The following HTR3E variants were observed in gnomAD, a reference collection of about 807,000 sequenced individuals.
HTR3E encodes the protein 5-hydroxytryptamine receptor 3E.
A neutral mutation model predicts 38.0 loss-of-function variants in HTR3E; 38 were observed. The ratio of observed to expected loss-of-function variants is 1.00; its 90% CI spans 0.77 to 1.31. The LOEUF (loss-of-function observed/expected upper bound fraction) is 1.31. Ranked by LOEUF, HTR3E falls within the 50% of genes most tolerant of loss-of-function variation. The pLI is 0.00. For synonymous variants in HTR3E, 210 were observed against 232.9 expected (o/e 0.90, Z 0.89); for missense variants, 547 against 585.2 (o/e 0.93, Z 0.67).
Position 184,100,517 on chromosome 3 carries a change from G to A in HTR3E, c.100G>A (p.Gly34Arg). 1 of 1,614,138 alleles carries A rather than the reference G, an allele frequency of 6.2e-7. No homozygotes were observed. Among genetic ancestry groups the A allele is most frequent in the Non-Finnish European group, 8.5e-7 (1 of 1,180,032 alleles). Residue 34 changes from glycine (G) to arginine (R), a missense_variant, in exon 2 of 9, where the codon GGG becomes AGG. Gly to Arg is a moderately radical substitution (Grantham distance 125). Coordinates refer to ENST00000415389, the MANE Select transcript of HTR3E (RefSeq NM_001256613.2). ...RGVTFTINCS[G>R]FGQHGADPTA... Reference sequence around the variant, plus strand: ...CGTTACTTTCACCATCAATTGCTCAGGGTTTGGCCAGCACGGGGCGGATCC... The same window carrying A: ...CGTTACTTTCACCATCAATTGCTCAAGGTTTGGCCAGCACGGGGCGGATCC...
intron 2 of HTR3E, among the ~76,000 whole-genome samples, chr3:184,101,020 T>G (rs1712005718): frequency 6.6e-6 from 1 of 152,204 alleles, no homozygotes; most frequent in African/African-American, 2.4e-5. Context: ...CTTGGCTCAC[T>G]GCAACCTCCA....
chr3:184,100,252 A>G, intron 1 of HTR3E: 1 of 1,354,612 alleles, frequency 7.4e-7, no homozygotes, highest in Non-Finnish European at 1.0e-6. Context: ...CACCTTAGTT[A>G]GCTCGTTTAT....
At position 184,104,963 on chromosome 3, in the gene HTR3E, T is replaced by G. The variant is rs757012435; in HGVS notation, c.559+7T>G. On this transcript the variant is annotated splice_region_variant and intron_variant, in intron 5 of 8. Transcript: ENST00000415389. ...AGCTCATTCCTCTACACAGGTAAGT[T>G]GCAGTGAGGTCTCAGGGATGGGGTG... 3.0e-5 allele frequency: 49 copies of G among 1,608,960 alleles called. No individual in the cohort carries two copies.
Position 184,100,678 on chromosome 3 carries a change from T to C in HTR3E, c.234+27T>C, listed in dbSNP as rs1255564346. The C allele has an allele frequency of 5.6e-6, 9 of 1,604,192 alleles. No individual in the cohort carries two copies. The East Asian group carries it at 1.8e-4, about 32-fold the overall frequency. ...TGAGTGCTGACCTCTCTAGCCCTCC[T>C]TGGTGTCCTTAACCTTTTTCCAGCC... On this transcript the variant is annotated intron_variant, in intron 2 of 8. Transcript: ENST00000415389.
At chr3:184,098,238 C>T (rs1711768059) in intron 1 of HTR3E, among the ~76,000 whole-genome samples, 1 of 152,190 alleles carries the variant, frequency 6.6e-6, no homozygotes, top group African/African-American at 2.4e-5. Context: ...ATCTTGGTGT[C>T]TCACGTTGCT....
rs141739439 is a variant in HTR3E at position 184,105,861 on chromosome 3, G to C, written c.817G>C (p.Val273Leu). 12 of 1,614,160 alleles carry C rather than the reference G, an allele frequency of 7.4e-6. No individual in the cohort carries two copies. Among genetic ancestry groups the C allele is most frequent in the African/African-American group, 1.3e-5 (1 of 75,044 alleles). ...AIDALSFYLPVKSGNRVPFKI... is the reference protein window; with the variant it reads ...AIDALSFYLPLKSGNRVPFKI... ...CGATGCCCTCAGCTTCTACCTGCCA[G>C]TGAAAAGTGGGAATCGTGTCCCATT... Residue 273 changes from valine to leucine, a missense_variant, in exon 7 of 9, where the codon GTG (valine) becomes CTG (leucine). Physicochemically the swap from Val to Leu is conservative, Grantham distance 32. Transcript: ENST00000415389.
At position 184,105,350 on chromosome 3, in the gene HTR3E, T is replaced by TG; in HGVS notation, c.646dup (p.Glu216GlyfsTer20). The TG allele has an allele frequency of 6.2e-7, 1 of 1,614,144 alleles. No individual in the cohort carries two copies. Among genetic ancestry groups the TG allele is most frequent in the Non-Finnish European group, 8.5e-7 (1 of 1,180,028 alleles). ...GAACATCCTTCAGACCCATGGAGAA[T>TG]GGGAGCTCCTGGGCCTCAGCAAGGC... On this transcript the variant is annotated frameshift_variant, in exon 6 of 9. Transcript: ENST00000415389. LOFTEE classifies it high-confidence loss of function.
At chr3:184,100,288 C>T in intron 1 of HTR3E, 197 bp from the exon 2 acceptor site, 2 of 1,421,104 alleles carry the variant, frequency 1.4e-6, no homozygotes, top group Non-Finnish European at 9.7e-7. Flanking sequence ...CAGTATCTAC[C>T]TGATAGGGGA....
chr3:184,099,738 A>C (rs1033520845), intron 1 of HTR3E, among the ~76,000 whole-genome samples: 2 of 147,276 alleles, frequency 1.4e-5, no homozygotes, highest in African/African-American at 2.6e-5. Context: ...AAAAAAAAAA[A>C]AAGAAAGAAA....
In HTR3E at chr3:184,106,739, C is replaced by T. The variant is rs755613983; in HGVS notation, c.*46C>T. On this transcript the variant is annotated 3_prime_UTR_variant, in exon 9 of 9. Coordinates refer to ENST00000415389, the MANE Select transcript of HTR3E (RefSeq NM_001256613.2). This position sits in a 1 kb window ranked among gnomAD's most constrained non-coding sequence, Gnocchi z 4.1. ...TTCAGTCTGGAGCTTCTCTTGCCTC[C>T]AGGGACTGGCCAGGTCTCCCCCCTT... is the stretch of plus-strand genomic sequence containing the variant. 6.3e-5 allele frequency: 101 copies of T among 1,596,220 alleles called. No homozygotes were observed. The highest frequency in any genetic ancestry group is 8.1e-5 in the Non-Finnish European group (94 of 1,167,082).
Position 184,106,556 on chromosome 3 carries a change from G to C in HTR3E, c.1234G>C (p.Glu412Gln). Residue 412 changes from glutamate (E) to glutamine (Q), a missense_variant, in exon 9 of 9, where the codon GAA becomes CAA. Glu to Gln is a conservative substitution (Grantham distance 29). Coordinates refer to ENST00000415389, the MANE Select transcript of HTR3E (RefSeq NM_001256613.2). This position sits in a 1 kb window ranked among gnomAD's most constrained non-coding sequence, Gnocchi z 4.1. ...CTCAGAATGGACAAGGGCCCAGCGG[G>C]AACACGAGGCCCAGAAGCAGCACTC... The part of the protein sequence containing the change: ...GGSEWTRAQR[E>Q]HEAQKQHSVE... The C allele has an allele frequency of 6.2e-7, 1 of 1,614,154 alleles. No homozygotes were observed. The highest frequency in any genetic ancestry group is 8.5e-7 in the Non-Finnish European group (1 of 1,179,996).
intron 5 of HTR3E, 66 bp from the exon 6 acceptor site, chr3:184,105,201 A>G: frequency 6.7e-7 from 1 of 1,490,570 alleles, no homozygotes; most frequent in Non-Finnish European, 9.0e-7. Context: ...GGATGGAAAA[A>G]GAGTGCAGTT....
chr3:184,105,965 C>T lies in HTR3E; in HGVS notation c.921C>T (p.Leu307=), dbSNP rs1712418591. ...SDLLPTSGTP[L]IGVYFALCLS... Reference sequence around the variant, plus strand: ...TGCTCCCCACCAGTGGCACCCCCCTCATCGGTATGGCTCCTCCCACCTTTT... The same window carrying T: ...TGCTCCCCACCAGTGGCACCCCCCTTATCGGTATGGCTCCTCCCACCTTTT... The change falls in exon 7 of 9, where the codon CTC becomes CTT. Residue 307 remains leucine (L), a synonymous_variant. Coordinates refer to ENST00000415389, the MANE Select transcript of HTR3E (RefSeq NM_001256613.2). The T allele has an allele frequency of 1.9e-6, 3 of 1,614,152 alleles. No homozygotes were observed. Among genetic ancestry groups the T allele is most frequent in the Non-Finnish European group, 1.7e-6 (2 of 1,179,984 alleles).
rs538990467 is a variant in HTR3E, at chr3:184,099,587, G to A, written c.68-898G>A. ...AAATTAGCCGGGCGCGGTGGCGGGC[G>A]CCTGTAGTCCCAGCTACTCGGGAGG... On this transcript the variant is annotated intron_variant, in intron 1 of 8. Coordinates refer to ENST00000415389, the MANE Select transcript of HTR3E (RefSeq NM_001256613.2). Among the ~76,000 whole-genome samples the A allele has an allele frequency of 4.3e-3, 651 of 150,778 alleles. 4 individuals carry two copies. Among genetic ancestry groups the A allele is most frequent in the African/African-American group, 0.015 (619 of 40,944 alleles).
chr3:184,104,269 C>T lies in HTR3E; in HGVS notation c.367C>T (p.Pro123Ser). ...MSMAAKNLWL[P>S]DIFIIELMDV... ...TATGGCAGCCAAGAACCTGTGGCTC[C>T]CAGACATTTTCATCATTGAACTGTG... The change falls in exon 4 of 9, where the codon CCA becomes TCA. Residue 123 changes from proline (P) to serine (S), a missense_variant. Coordinates refer to ENST00000415389, the MANE Select transcript of HTR3E (RefSeq NM_001256613.2). 1 of 1,612,470 alleles carries T rather than the reference C, an allele frequency of 6.2e-7. No individual in the cohort carries two copies. Among genetic ancestry groups the T allele is most frequent in the Non-Finnish European group, 8.5e-7 (1 of 1,179,290 alleles).
At chr3:184,100,356 C>T (rs1272209619) in intron 1 of HTR3E, 129 bp from the exon 2 acceptor site, 1 of 1,609,002 alleles carries the variant, frequency 6.2e-7, no homozygotes, top group South Asian at 1.1e-5. Context: ...ACCTGACACA[C>T]AGCCAGTGCT....
chr3:184,106,189 C>T lies in HTR3E; in HGVS notation c.987C>T (p.Ile329=), dbSNP rs1315392613. The change falls in exon 8 of 9, where the codon ATC becomes ATT. Residue 329 remains isoleucine (I), a synonymous_variant. Coordinates refer to ENST00000415389, the MANE Select transcript of HTR3E (RefSeq NM_001256613.2). This position sits in a 1 kb window ranked among gnomAD's most constrained non-coding sequence, Gnocchi z 4.1. ...MVGSLLETIF[I]THLLHVATTQ... is the part of the protein sequence containing the mutation. ...GCAGCCTGCTGGAGACCATCTTCAT[C>T]ACCCACCTGCTGCACGTGGCCACCA... 1 of 1,612,738 alleles carries T rather than the reference C, an allele frequency of 6.2e-7. No individual in the cohort carries two copies. Among genetic ancestry groups the T allele is most frequent in the African/African-American group, 1.3e-5 (1 of 74,832 alleles).
rs1409217794 is a variant in HTR3E, at chr3:184,104,179, T to C, written c.280-3T>C. ...ACTCACCTCTCCTCCACCTGGGCTC[T>C]AGGTTTGGGATAACCCATTTATCAG... On this transcript the variant is annotated splice_region_variant and splice_polypyrimidine_tract_variant and intron_variant, in intron 3 of 8. Transcript: ENST00000415389. 3.1e-6 allele frequency: 5 copies of C among 1,600,094 alleles called. No individual in the cohort carries two copies.
intron 3 of HTR3E, among the ~76,000 whole-genome samples, chr3:184,102,924 C>CAA (rs58155446): frequency 1.6e-5 from 2 of 123,302 alleles, no homozygotes; most frequent in East Asian, 2.4e-4. Context: ...GACTGCATCT[C>CAA]AAAAAAAAAA....
Sources: gnomAD v4.1 joint callset for allele counts (sites outside exome capture counted in the v4.1 genomes callset) on GRCh38, gnomAD v4.1.1 for gene constraint, Gnocchi (gnomAD v3.1) non-coding constraint, MANE v1.5 for transcripts, NCBI Gene and HGNC (gene_info 2026-07-23, HGNC 2026-07-21) for gene names.